Variants in NCOA2 observed in about 807,000 individuals in gnomAD.
NCOA2 encodes class E basic helix-loop-helix protein 75.
NCOA2 carries 21 observed loss-of-function variants against 145.1 expected under a neutral mutation model. The observed-to-expected ratio is 0.14, with a 90% CI of 0.10 to 0.21. The LOEUF is 0.21. NCOA2 is among the 10% of genes least tolerant of loss of function. The pLI is 1.00. For missense variants in NCOA2, 1,472 were observed against 1,837.6 expected, an observed-to-expected ratio of 0.80 and a Z score of 3.64; for synonymous variants, 619 against 637.5, an observed-to-expected ratio of 0.97 and a Z score of 0.44.
At chr8:70,435,048 T>C in the NCOA2 span, among the ~76,000 whole-genome samples, 3 of 152,210 alleles carry the variant, frequency 2.0e-5, no homozygotes, top group African/African-American at 7.2e-5. Flanking sequence ...TGTTTATGTA[T>C]CTGTCCCTTG....
intron 4 of NCOA2, 117 bp from the exon 5 acceptor site, chr8:70,174,976 A>G: frequency 2.2e-6 from 2 of 902,290 alleles, no homozygotes; most frequent in South Asian, 1.4e-5. Context: ...ATGCAGCTAC[A>G]AAAGAGTTAC....
chr8:70,164,133 T>A lies in NCOA2; in HGVS notation c.731-567A>T, dbSNP rs148451318. ...CAGATTCAGAGAACGACTCCCACAA[T>A]ACCTAGAAAATGCAGCGTGCACCAG... On this transcript the variant is annotated intron_variant, in intron 7 of 22. Transcript: ENST00000452400. Among the ~76,000 whole-genome samples, 123 of 152,256 alleles carry A rather than the reference T, an allele frequency of 8.1e-4. 2 individuals are homozygous for A. The Middle Eastern group carries it at 0.01, about 13-fold the overall frequency.
intron 1 of NCOA2, 99 bp downstream of exon 1, chr8:70,403,601 G>C (rs1814594225): frequency 6.2e-6 from 2 of 323,570 alleles, no homozygotes; most frequent in Non-Finnish European, 1.1e-5. Context: ...GGAGCTCGGC[G>C]CAGGAAGGGC....
At chr8:70,120,680 C>T (rs1475960884) in intron 22 of NCOA2, among the ~76,000 whole-genome samples, 1 of 152,138 alleles carries the variant, frequency 6.6e-6, no homozygotes, top group Admixed American at 6.5e-5. Context: ...AAGACTGTGC[C>T]ACTGCATTCC....
Position 70,253,450 on chromosome 8 carries a change from T to G in NCOA2, c.-19-36686A>C, listed in dbSNP as rs1823367264. Among the ~76,000 whole-genome samples the G allele has an allele frequency of 2.7e-5, 4 of 150,860 alleles. No individual in the cohort carries two copies. In the South Asian group the frequency reaches 8.4e-4, roughly 32 times the overall value. ...AGAAAACATAATCAGAATGCCAGAG[T>G]AGAAATGTATCAAAAATGATACTTG... is the stretch of plus-strand genomic sequence containing the variant. On this transcript the variant is annotated intron_variant, in intron 2 of 22. Transcript: ENST00000452400.
the NCOA2 span, among the ~76,000 whole-genome samples, chr8:70,423,355 G>C: frequency 1.5e-3 from 227 of 152,156 alleles, 1 homozygote; most frequent in African/African-American, 5.3e-3. Flanking sequence ...GGCTAATTTT[G>C]TATTTTTAGT....
At chr8:70,273,753 G>T (rs1825248845) in intron 2 of NCOA2, 40 of 604,562 alleles carry the variant, frequency 6.6e-5, no homozygotes, top group South Asian at 4.4e-4. Context: ...GGGTGGAAAA[G>T]CACCACTTAC....
chr8:70,403,462 G>A (rs1429667135), intron 1 of NCOA2, among the ~76,000 whole-genome samples: 1 of 128,514 alleles, frequency 7.8e-6, no homozygotes, highest in Non-Finnish European at 1.7e-5. Flanking sequence ...GTCGCTTCCC[G>A]CCCTCCCCAC....
intron 2 of NCOA2, among the ~76,000 whole-genome samples, chr8:70,288,749 T>C (rs1826438582): frequency 6.6e-6 from 1 of 152,248 alleles, no homozygotes; most frequent in Non-Finnish European, 1.5e-5. Context: ...TCATTTCCTA[T>C]TTCCAAAAGA....
chr8:70,175,868 A>T (rs927755168), intron 4 of NCOA2, among the ~76,000 whole-genome samples: 1 of 148,986 alleles, frequency 6.7e-6, no homozygotes, highest in South Asian at 2.1e-4. Context: ...AACCTTAATA[A>T]TTTTTTTTTT....
intron 1 of NCOA2, among the ~76,000 whole-genome samples, chr8:70,370,687 C>T (rs1811135243): frequency 1.3e-5 from 2 of 151,596 alleles, no homozygotes; most frequent in Admixed American, 6.6e-5. Context: ...GTTTCCTCCA[C>T]GTACGTTATT....
chr8:70,404,466 C>T (rs762934517), upstream of NCOA2, among the ~76,000 whole-genome samples: 3 of 152,148 alleles, frequency 2.0e-5, no homozygotes, highest in Non-Finnish European at 4.4e-5. Context: ...TCGGGCGCAC[C>T]TCACCCTACC....
intron 13 of NCOA2, among the ~76,000 whole-genome samples, chr8:70,143,067 A>G (rs1438924683): frequency 6.6e-6 from 1 of 151,588 alleles, no homozygotes; most frequent in Non-Finnish European, 1.5e-5. Flanking sequence ...CTCCTGCCTC[A>G]GCCTCCTGAG....
chr8:70,384,259 CA>C (rs200206851), intron 1 of NCOA2, among the ~76,000 whole-genome samples: 11,351 of 139,012 alleles, frequency 0.082, 514 homozygotes, highest in East Asian at 0.14. Flanking sequence ...ATTCAAACTC[CA>C]AAAAAAAAAA....
At chr8:70,159,242 A>ATATATATTTT in intron 10 of NCOA2, among the ~76,000 whole-genome samples, 14 of 61,076 alleles carry the variant, frequency 2.3e-4, no homozygotes, top group South Asian at 1.1e-3. Flanking sequence ...ATATATATAT[A>ATATATATTTT]TTTTTTTTTT....
At chr8:70,196,284 G>A (rs1249051137) in intron 4 of NCOA2, among the ~76,000 whole-genome samples, 2 of 152,188 alleles carry the variant, frequency 1.3e-5, no homozygotes, top group Non-Finnish European at 1.5e-5. Flanking sequence ...GCTGAGGCAC[G>A]AGAATCACTT....
intron 2 of NCOA2, among the ~76,000 whole-genome samples, chr8:70,283,695 A>G (rs1048114847): frequency 2.0e-5 from 3 of 152,234 alleles, no homozygotes; most frequent in African/African-American, 7.2e-5. Flanking sequence ...ATAATACAAG[A>G]TAAGTGTCCC....
At chr8:70,226,705 A>G (rs1021944663) in intron 2 of NCOA2, among the ~76,000 whole-genome samples, 41 of 150,322 alleles carry the variant, frequency 2.7e-4, no homozygotes, top group Non-Finnish European at 5.3e-4. Context: ...ACTTAGGGTA[A>G]ACTTATATTT....
At chr8:70,203,420 C>T (rs930224483) in intron 4 of NCOA2, among the ~76,000 whole-genome samples, 38 of 151,876 alleles carry the variant, frequency 2.5e-4, no homozygotes, top group Non-Finnish European at 2.8e-4. Flanking sequence ...AAAATAGGAT[C>T]GTTCTTATTG....
Sources: gnomAD v4.1 joint callset for allele counts (sites outside exome capture counted in the v4.1 genomes callset) on GRCh38, gnomAD v4.1.1 for gene constraint, MANE v1.5 for transcripts, NCBI Gene and HGNC (gene_info 2026-07-23, HGNC 2026-07-21) for gene names.